The following NPTX2 variants were observed in gnomAD, a reference collection of about 807,000 sequenced individuals.
NPTX2 encodes neuronal pentraxin 2.
In NPTX2, 23 loss-of-function variants were observed where a neutral mutation model predicts 38.1. That is an observed-to-expected ratio of 0.60 (90% CI 0.43 to 0.85). NPTX2 has a LOEUF of 0.85. Among genes scored for constraint, NPTX2 ranks in the 40% least tolerant of loss-of-function variants. The pLI is 0.00. For synonymous variants in NPTX2, 291 were observed against 287.3 expected (o/e 1.01, Z -0.13); for missense variants, 553 against 615.3 (o/e 0.90, Z 1.07).
In NPTX2 at chr7:98,619,742, A is replaced by G; in HGVS notation, c.526A>G (p.Lys176Glu). The change falls in exon 2 of 5, where the codon AAG becomes GAG. Residue 176 changes from lysine (K) to glutamate (E), a missense_variant. Transcript: ENST00000265634. ...GGAGCTGGAGAGGCAGCTTCTGCGCAAGGTGGCAGAGCTGGAGGACGAGAA... is the reference window on the plus strand; with the variant it reads ...GGAGCTGGAGAGGCAGCTTCTGCGCGAGGTGGCAGAGCTGGAGGACGAGAA... Reference protein sequence around the residue: ...LGELERQLLRKVAELEDEKSL... With the variant: ...LGELERQLLREVAELEDEKSL... The G allele has an allele frequency of 1.2e-6, 2 of 1,613,306 alleles. No homozygotes were observed. Among genetic ancestry groups the G allele is most frequent in the Non-Finnish European group, 1.7e-6 (2 of 1,179,996 alleles).
intron 1 of NPTX2, among the ~76,000 whole-genome samples, 200 bp downstream of exon 1, chr7:98,618,087 C>A (rs2115606821): frequency 6.6e-6 from 1 of 152,326 alleles, no homozygotes; most frequent in East Asian, 1.9e-4. Context: ...CTTCCCACAC[C>A]GCTGCTCTTG....
chr7:98,628,174 C>T (rs1400267209), intron 4 of NPTX2, among the ~76,000 whole-genome samples: 3 of 152,126 alleles, frequency 2.0e-5, no homozygotes, highest in African/African-American at 7.2e-5. Flanking sequence ...GGACTTTGAG[C>T]AGTGTCTTCC....
chr7:98,623,013 G>C (rs777519539), intron 2 of NPTX2, among the ~76,000 whole-genome samples: 1 of 152,114 alleles, frequency 6.6e-6, no homozygotes, highest in Non-Finnish European at 1.5e-5. Flanking sequence ...TCACTCTGAG[G>C]GACAATGAGT....
intron 2 of NPTX2, among the ~76,000 whole-genome samples, chr7:98,622,991 C>A (rs917524992): frequency 6.6e-6 from 1 of 152,104 alleles, no homozygotes; most frequent in South Asian, 2.1e-4. Flanking sequence ...AAGAGCCTTT[C>A]GTGTGTATTA....
rs758684154 is a variant in NPTX2 at position 98,619,727 on chromosome 7, A to C, written c.511A>C (p.Arg171=). 8.7e-6 allele frequency: 14 copies of C among 1,613,092 alleles called. No individual in the cohort carries two copies. In the South Asian group the frequency reaches 1.3e-4, roughly 15 times the overall value. ...CCAGCAGCGGCTGGGGGAGCTGGAG[A>C]GGCAGCTTCTGCGCAAGGTGGCAGA... ...VLQQRLGELE[R]QLLRKVAELE... The change falls in exon 2 of 5, where the codon AGG becomes CGG. Residue 171 remains arginine (R), a synonymous_variant. Transcript: ENST00000265634.
rs1167487081 is a variant in NPTX2 at position 98,624,938 on chromosome 7, G to A, written c.660G>A (p.Lys220=). 1.9e-6 allele frequency: 3 copies of A among 1,612,114 alleles called. No homozygotes were observed. The highest frequency in any genetic ancestry group is 2.2e-5 in the East Asian group (1 of 44,806). The change falls in exon 3 of 5, where the codon AAG becomes AAA. Residue 220 remains lysine, a synonymous_variant. Coordinates refer to ENST00000265634, the MANE Select transcript of NPTX2 (RefSeq NM_002523.3). ...AACCCCCAGGCAATAGCGCCTTTAA[G>A]TCACCAGATGCGTTCAAGGTGTCCC... ...TELERGNSAF[K]SPDAFKVSLP... is the part of the protein sequence containing the mutation.
chr7:98,627,336 C>G lies in NPTX2; in HGVS notation c.1060C>G (p.Gln354Glu). 2 of 1,613,366 alleles carry G rather than the reference C, an allele frequency of 1.2e-6. No homozygotes were observed. Among genetic ancestry groups the G allele is most frequent in the African/African-American group, 2.7e-5 (2 of 75,062 alleles). The change falls in exon 4 of 5, where the codon CAA becomes GAA. Residue 354 changes from glutamine (Q) to glutamate (E), a missense_variant. Gln to Glu is a conservative substitution (Grantham distance 29). Transcript: ENST00000265634. ...GCCCGGGGGCGTGCTGATCCTTGGACAAGAGCAGGTGGGTGCAGGGCAGGT... is the reference window on the plus strand; with the variant it reads ...GCCCGGGGGCGTGCTGATCCTTGGAGAAGAGCAGGTGGGTGCAGGGCAGGT... ...IKPGGVLILG[Q>E]EQDTVGGRFD...
At chr7:98,624,720 C>T (rs1462545944) in intron 2 of NPTX2, among the ~76,000 whole-genome samples, 1 of 152,190 alleles carries the variant, frequency 6.6e-6, no homozygotes, top group Non-Finnish European at 1.5e-5. Flanking sequence ...GACAAGGACT[C>T]CATCTTGTGT....
intron 1 of NPTX2, among the ~76,000 whole-genome samples, chr7:98,618,316 G>C (rs898481699): frequency 3.3e-5 from 5 of 152,150 alleles, no homozygotes; most frequent in African/African-American, 1.2e-4. Flanking sequence ...GCTGCCGCGG[G>C]AGGTCAGCTG....
chr7:98,626,494 A>G (rs1175237451), intron 3 of NPTX2, among the ~76,000 whole-genome samples: 1 of 152,128 alleles, frequency 6.6e-6, no homozygotes, highest in Non-Finnish European at 1.5e-5. Context: ...ATAACACCCT[A>G]TGACACAGTG....
chr7:98,621,808 C>G (rs1258458367), intron 2 of NPTX2, among the ~76,000 whole-genome samples: 1 of 152,214 alleles, frequency 6.6e-6, no homozygotes, highest in Admixed American at 6.5e-5. Flanking sequence ...ACGAGGGACT[C>G]AAGTCAGAGA....
chr7:98,618,020 T>C (rs1183642645), intron 1 of NPTX2, 133 bp downstream of exon 1: 3 of 899,008 alleles, frequency 3.3e-6, no homozygotes, highest in East Asian at 6.2e-5. Context: ...TGAGCTGGAC[T>C]TGAGGGTGAA....
rs1180608907 is a variant in NPTX2, at chr7:98,629,815, ATGC to A, written c.*1188_*1190del. The A allele has an allele frequency of 6.6e-6, 1 of 152,392 alleles. No homozygotes were observed. Among genetic ancestry groups the A allele is most frequent in the African/African-American group, 2.4e-5 (1 of 41,450 alleles). 9.4% of individuals were successfully genotyped at this position (152,392 alleles called of 1,614,324 possible). A position where few individuals can be genotyped will look rare whatever the true frequency, so the allele number is the denominator to read the frequency against. On this transcript the variant is annotated 3_prime_UTR_variant, in exon 5 of 5. Coordinates refer to ENST00000265634, the MANE Select transcript of NPTX2 (RefSeq NM_002523.3). ...GTCGACATGCCCATCCTGACATTGT[ATGC>A]TACGAGAACTCTTCTGATGATGGAA...
At chr7:98,618,304 A>C (rs925670633) in intron 1 of NPTX2, among the ~76,000 whole-genome samples, 1 of 151,610 alleles carries the variant, frequency 6.6e-6, no homozygotes, top group Non-Finnish European at 1.5e-5. Flanking sequence ...GGTTGCTGCG[A>C]GGCTGCCGCG....
intron 2 of NPTX2, among the ~76,000 whole-genome samples, chr7:98,622,214 C>T (rs1426677484): frequency 6.6e-6 from 1 of 152,228 alleles, no homozygotes; most frequent in African/African-American, 2.4e-5. Context: ...ATTTATTGGT[C>T]AGGCCTTTTA....
Position 98,625,091 on chromosome 7 carries a change from G to T in NPTX2, c.813G>T (p.Ala271=). Residue 271 remains alanine (A), a synonymous_variant, in exon 3 of 5, where the codon GCG becomes GCT. Coordinates refer to ENST00000265634, the MANE Select transcript of NPTX2 (RefSeq NM_002523.3). ...SPGIGTPFSY[A]VPGQANEIVL... ...GCATTGGCACCCCCTTCTCCTATGC[G>T]GTGCCAGGGCAGGCCAACGAGATCG... 1.9e-6 allele frequency: 3 copies of T among 1,612,686 alleles called. No individual in the cohort carries two copies. Among genetic ancestry groups the T allele is most frequent in the South Asian group, 2.2e-5 (2 of 91,084 alleles).
chr7:98,617,678 CAGA>C lies in NPTX2; in HGVS notation c.220_222del (p.Lys74del), dbSNP rs1562848625. On this transcript the variant is annotated inframe_deletion, in exon 1 of 5. Transcript: ENST00000265634. ...GCAGCTGCGCGAGACCGTCGTGCAG[CAGA>C]AGGAGACGCTGGGCGCGCAGCGCGA... 23 of 1,468,632 alleles carry C rather than the reference CAGA, an allele frequency of 1.6e-5. No individual in the cohort carries two copies. Among genetic ancestry groups the C allele is most frequent in the East Asian group, 2.9e-5 (1 of 34,624 alleles). 91.0% of individuals were successfully genotyped at this position (1,468,632 alleles called of 1,614,324 possible).
At chr7:98,627,045 C>T (rs17161430) in intron 3 of NPTX2, 120 bp from the exon 4 acceptor site, 8 of 652,092 alleles carry the variant, frequency 1.2e-5, no homozygotes, top group Non-Finnish European at 1.9e-5. Context: ...CGCATGACCC[C>T]GGTGACAGGA....
At chr7:98,620,708 G>A (rs1226825609) in intron 2 of NPTX2, among the ~76,000 whole-genome samples, 1 of 152,152 alleles carries the variant, frequency 6.6e-6, no homozygotes, top group Non-Finnish European at 1.5e-5. Context: ...GACAGGAGGA[G>A]GGAACGTCTA....
Sources: gnomAD v4.1 joint callset for allele counts (sites outside exome capture counted in the v4.1 genomes callset) on GRCh38, gnomAD v4.1.1 for gene constraint, MANE v1.5 for transcripts, NCBI Gene and HGNC (gene_info 2026-07-23, HGNC 2026-07-21) for gene names.